GALNT18: variants seen among roughly 807,000 people sequenced by gnomAD.
GALNT18 encodes the protein GalNAc-transferase 18.
Under a neutral mutation model 69.5 loss-of-function variants are expected in GALNT18, and 44 were observed. The ratio of observed to expected loss-of-function variants is 0.63; its 90% CI spans 0.50 to 0.81. The LOEUF (loss-of-function observed/expected upper bound fraction) is 0.81. Among genes scored for constraint, GALNT18 ranks in the 40% least tolerant of loss-of-function variants. The pLI is 0.00. For synonymous variants in GALNT18, 364 were observed against 318.2 expected, an observed-to-expected ratio of 1.14 and a Z score of -1.53; for missense variants, 715 against 810.0, an observed-to-expected ratio of 0.88 and a Z score of 1.42.
At chr11:11,393,937 A>C (rs1444963217) in intron 3 of GALNT18, among the ~76,000 whole-genome samples, 1 of 152,184 alleles carries the variant, frequency 6.6e-6, no homozygotes. Context: ...TGTTCCTTTC[A>C]TTCATGTGTT....
rs1311272751 is a variant in GALNT18, at chr11:11,603,620, C to T, written c.235+17739G>A. ...CATAATCTTCATGTTGCCACAAAGG[C>T]TATATTTTTAAATGTTTCCATTCCA... On this transcript the variant is annotated intron_variant, in intron 1 of 10. Transcript: ENST00000227756. This position sits in a 1 kb window ranked among gnomAD's most constrained non-coding sequence, Gnocchi z 4.5. Among the ~76,000 whole-genome samples the T allele has an allele frequency of 6.6e-6, 1 of 152,058 alleles. No individual in the cohort carries two copies. Among genetic ancestry groups the T allele is most frequent in the Admixed American group, 6.5e-5 (1 of 15,274 alleles).
rs1340606216 is a variant in GALNT18, at chr11:11,465,585, A to C, written c.236-16649T>G. On this transcript the variant is annotated intron_variant, in intron 1 of 10. Coordinates refer to ENST00000227756, the MANE Select transcript of GALNT18 (RefSeq NM_198516.3). The surrounding 1 kb of genome is among the most constrained non-coding windows in gnomAD (Gnocchi z 5.7). ...GTCTTGAGAATGGCCTCCGGGAACC[A>C]GAGAGGCCTGGAGGTGACAAGCTTC... 2.0e-5 allele frequency among the ~76,000 whole-genome samples: 3 copies of C among 152,148 alleles called. No homozygotes were observed. The highest frequency in any genetic ancestry group is 4.4e-5 in the Non-Finnish European group (3 of 68,018).
intron 10 of GALNT18, among the ~76,000 whole-genome samples, chr11:11,283,969 T>TA (rs1849139911): frequency 6.6e-6 from 1 of 151,772 alleles, no homozygotes; most frequent in Admixed American, 6.6e-5. Context: ...CTTCTGGGCC[T>TA]TTCAGGAATA....
chr11:11,575,045 T>C (rs1441334150), intron 1 of GALNT18, among the ~76,000 whole-genome samples: 1 of 152,238 alleles, frequency 6.6e-6, no homozygotes, highest in Non-Finnish European at 1.5e-5. Flanking sequence ...TTATGCAAAA[T>C]GCATCATAAA....
At chr11:11,317,958 C>T (rs756453072) in intron 9 of GALNT18, among the ~76,000 whole-genome samples, 7 of 152,262 alleles carry the variant, frequency 4.6e-5, no homozygotes, top group Non-Finnish European at 1.5e-5. Flanking sequence ...AGTCAATTCA[C>T]ATCCCAGATG....
intron 1 of GALNT18, among the ~76,000 whole-genome samples, chr11:11,577,680 C>T (rs191022196): frequency 1.3e-5 from 2 of 152,166 alleles, no homozygotes; most frequent in Non-Finnish European, 2.9e-5. Context: ...CTGGAGGATT[C>T]GGGACCATGC....
At position 11,430,207 on chromosome 11, in the gene GALNT18, G is replaced by T. The variant is rs1855235342; in HGVS notation, c.595+2414C>A. Reference sequence around the variant, plus strand: ...AACCCTCTTTGAACTCACTGAACCAGAATCTCCTAGGAGAGCTTTTTGTTT... The same window carrying T: ...AACCCTCTTTGAACTCACTGAACCATAATCTCCTAGGAGAGCTTTTTGTTT... On this transcript the variant is annotated intron_variant, in intron 3 of 10. Coordinates refer to ENST00000227756, the MANE Select transcript of GALNT18 (RefSeq NM_198516.3). This position sits in a 1 kb window ranked among gnomAD's most constrained non-coding sequence, Gnocchi z 4.9. Among the ~76,000 whole-genome samples the T allele has an allele frequency of 6.6e-6, 1 of 152,166 alleles. No homozygotes were observed. The highest frequency in any genetic ancestry group is 1.5e-5 in the Non-Finnish European group (1 of 68,022).
At chr11:11,431,935 G>A (rs1286796640) in intron 3 of GALNT18, among the ~76,000 whole-genome samples, 3 of 152,164 alleles carry the variant, frequency 2.0e-5, no homozygotes, top group African/African-American at 7.2e-5. Context: ...GTATATGATG[G>A]CATATGGGGG....
At chr11:11,509,618 T>C (rs967929334) in intron 1 of GALNT18, among the ~76,000 whole-genome samples, 3 of 152,244 alleles carry the variant, frequency 2.0e-5, no homozygotes, top group African/African-American at 7.2e-5. Flanking sequence ...TTGTGCTCCT[T>C]TGAAGACGGA....
chr11:11,526,782 G>A (rs1857536777), intron 1 of GALNT18, among the ~76,000 whole-genome samples: 2 of 152,094 alleles, frequency 1.3e-5, no homozygotes, highest in Non-Finnish European at 2.9e-5. Context: ...TGTCACTTCT[G>A]CTCACATTTA....
rs574296466 is a variant in GALNT18, at chr11:11,511,474, C to A, written c.236-62538G>T. Among the ~76,000 whole-genome samples, 210 of 152,332 alleles carry A rather than the reference C, an allele frequency of 1.4e-3. No homozygotes were observed. In the Middle Eastern group the frequency reaches 0.024, roughly 17 times the overall value. On this transcript the variant is annotated intron_variant, in intron 1 of 10. Coordinates refer to ENST00000227756, the MANE Select transcript of GALNT18 (RefSeq NM_198516.3). This position sits in a 1 kb window ranked among gnomAD's most constrained non-coding sequence, Gnocchi z 4.9. ...ATCCCCAGAATAGGCCCCAGACAAT[C>A]CTGAGGAGACCTGGCTAATGCAGTG...
At position 11,592,732 on chromosome 11, in the gene GALNT18, G is replaced by A. The variant is rs2133930808; in HGVS notation, c.235+28627C>T. On this transcript the variant is annotated intron_variant, in intron 1 of 10. Transcript: ENST00000227756. The surrounding 1 kb of genome is among the most constrained non-coding windows in gnomAD (Gnocchi z 5.9). ...TTGAAAAGCCAAAAAACAGGAAAGG[G>A]GCTGATTTATTAGGCAGTCTGGGGC... 6.6e-6 allele frequency among the ~76,000 whole-genome samples: 1 copy of A among 152,220 alleles called. No individual in the cohort carries two copies. The highest frequency in any genetic ancestry group is 1.9e-4 in the East Asian group (1 of 5,180).
rs1022948889 is a variant in GALNT18, at chr11:11,621,981, C to A, written c.-388G>T. 3 of 169,020 alleles carry A rather than the reference C, an allele frequency of 1.8e-5. No homozygotes were observed. The highest frequency in any genetic ancestry group is 6.3e-5 in the Admixed American group (1 of 15,990). The allele number at this position is 169,020 out of a possible 1,614,324, so 10.5% of individuals were successfully genotyped here. The stretch of plus-strand genomic sequence containing the variant: ...GCGCCGGCTGCCTTGGCGGTCCGAC[C>A]GGCCCGCGCTGCTAGGAGAACAGCG... On this transcript the variant is annotated 5_prime_UTR_variant, in exon 1 of 11. Coordinates refer to ENST00000227756, the MANE Select transcript of GALNT18 (RefSeq NM_198516.3). The surrounding 1 kb of genome is among the most constrained non-coding windows in gnomAD (Gnocchi z 9.3).
At position 11,469,688 on chromosome 11, in the gene GALNT18, T is replaced by A. The variant is rs1246042870; in HGVS notation, c.236-20752A>T. Among the ~76,000 whole-genome samples the A allele has an allele frequency of 6.6e-6, 1 of 152,324 alleles. No homozygotes were observed. Among genetic ancestry groups the A allele is most frequent in the Admixed American group, 6.5e-5 (1 of 15,294 alleles). The stretch of plus-strand genomic sequence containing the variant: ...TCAGGGCTGGCTACATGGACGGTGT[T>A]AAGCAGATTTGCTAAAAGGTGGACT... On this transcript the variant is annotated intron_variant, in intron 1 of 10. Transcript: ENST00000227756. This position sits in a 1 kb window ranked among gnomAD's most constrained non-coding sequence, Gnocchi z 4.2.
chr11:11,525,632 C>CTTT lies in GALNT18; in HGVS notation c.236-76699_236-76697dup, dbSNP rs33938067. On this transcript the variant is annotated intron_variant, in intron 1 of 10. Transcript: ENST00000227756. ...TGATGATCTGGTGTTGTGCATATTA[C>CTTT]TTTTTTTTTTTTTTTTTTTGAGATG... Among the ~76,000 whole-genome samples, 122 of 118,594 alleles carry CTTT rather than the reference C, an allele frequency of 1.0e-3. 1 individual carries two copies. Among genetic ancestry groups the CTTT allele is most frequent in the African/African-American group, 1.5e-3 (45 of 30,922 alleles). The allele number at this position is 118,594 out of a possible 152,430, so 77.8% of individuals were successfully genotyped here.
At chr11:11,370,893 G>C (rs755261426) in intron 6 of GALNT18, among the ~76,000 whole-genome samples, 1 of 152,170 alleles carries the variant, frequency 6.6e-6, no homozygotes, top group Non-Finnish European at 1.5e-5. Flanking sequence ...GCAGCTCCTC[G>C]TGAAAAATAT....
chr11:11,424,019 G>A (rs1224989580), intron 3 of GALNT18, among the ~76,000 whole-genome samples: 2 of 152,186 alleles, frequency 1.3e-5, no homozygotes, highest in African/African-American at 4.8e-5. Context: ...GGAGAAGTGG[G>A]GGTCAAACTC....
At chr11:11,447,206 G>T (rs1269018028) in intron 2 of GALNT18, among the ~76,000 whole-genome samples, 8 of 152,092 alleles carry the variant, frequency 5.3e-5, no homozygotes, top group African/African-American at 1.2e-4. Context: ...CTGCCTGAAA[G>T]GTACTCCCCC....
chr11:11,533,504 G>A lies in GALNT18; in HGVS notation c.236-84568C>T, dbSNP rs185422626. On this transcript the variant is annotated intron_variant, in intron 1 of 10. Coordinates refer to ENST00000227756, the MANE Select transcript of GALNT18 (RefSeq NM_198516.3). ...AAGGAGCCACCAGGAGTGAGGCGAC[G>A]TTCGCTCAGAGACAGACACATGTAC... Among the ~76,000 whole-genome samples the A allele has an allele frequency of 1.8e-3, 269 of 152,278 alleles. 1 individual carries two copies. The highest frequency in any genetic ancestry group is 6.1e-3 in the African/African-American group (252 of 41,536).
Sources: gnomAD v4.1 joint callset for allele counts (sites outside exome capture counted in the v4.1 genomes callset) on GRCh38, gnomAD v4.1.1 for gene constraint, Gnocchi (gnomAD v3.1) non-coding constraint, MANE v1.5 for transcripts, NCBI Gene and HGNC (gene_info 2026-07-23, HGNC 2026-07-21) for gene names.